The following RIMS2 variants were observed in gnomAD, a reference collection of about 807,000 sequenced individuals.
The protein encoded by RIMS2 is regulating synaptic membrane exocytosis 2.
In RIMS2, 59 loss-of-function variants were observed where a neutral mutation model predicts 174.4. The observed-to-expected ratio is 0.34, with a 90% CI of 0.27 to 0.42. RIMS2 has a LOEUF of 0.42. RIMS2 is among the 10% of genes least tolerant of loss of function. The pLI is 1.00. For synonymous variants in RIMS2, 606 were observed against 572.5 expected (o/e 1.06, Z -0.84); for missense variants, 1,620 against 1,666.3 (o/e 0.97, Z 0.48).
intron 3 of RIMS2, among the ~76,000 whole-genome samples, chr8:103,770,405 G>C (rs749170751): frequency 6.6e-6 from 1 of 152,054 alleles, no homozygotes; most frequent in Admixed American, 6.5e-5. Context: ...GTGAAACCCC[G>C]TCTTTACTAA....
chr8:103,648,593 A>G (rs1481428986), intron 1 of RIMS2, among the ~76,000 whole-genome samples: 4 of 152,078 alleles, frequency 2.6e-5, no homozygotes, highest in Admixed American at 6.6e-5. Flanking sequence ...TTTTGTCTCT[A>G]AGAACTTGCT....
intron 19 of RIMS2, among the ~76,000 whole-genome samples, chr8:104,115,367 A>G (rs1477824945): frequency 1.3e-5 from 2 of 152,070 alleles, no homozygotes; most frequent in Non-Finnish European, 2.9e-5. Context: ...CAGTAAAACG[A>G]TCTTTGAAAT....
intron 3 of RIMS2, among the ~76,000 whole-genome samples, chr8:103,811,697 C>T (rs531769739): frequency 6.6e-6 from 1 of 152,328 alleles, no homozygotes; most frequent in Non-Finnish European, 1.5e-5. Context: ...GCACCCACCT[C>T]GGCCTCCCAG....
chr8:103,799,881 C>T (rs1238020769), intron 3 of RIMS2, among the ~76,000 whole-genome samples: 1 of 152,060 alleles, frequency 6.6e-6, no homozygotes, highest in Admixed American at 6.6e-5. Context: ...ATAGTTTGTG[C>T]TCTTTTAGTC....
intron 19 of RIMS2, among the ~76,000 whole-genome samples, chr8:104,051,565 G>A (rs2096787471): frequency 6.6e-6 from 1 of 151,974 alleles, no homozygotes; most frequent in South Asian, 2.1e-4. Context: ...AAAAAAAATG[G>A]ACAGAGGAGA....
At position 103,665,373 on chromosome 8, in the gene RIMS2, T is replaced by G. The variant is rs567783946; in HGVS notation, c.177-31713T>G. On this transcript the variant is annotated intron_variant, in intron 1 of 23. Transcript: ENST00000504942. ...TCCTCCCTCAAACCTTGGTATTATG[T>G]TTGCACATTACACATCTGATGTTAA... Among the ~76,000 whole-genome samples the G allele has an allele frequency of 2.0e-5, 3 of 152,354 alleles. No homozygotes were observed. The South Asian group carries it at 6.2e-4, about 32-fold the overall frequency.
chr8:104,074,940 T>C (rs898356577), intron 19 of RIMS2, among the ~76,000 whole-genome samples: 6 of 152,156 alleles, frequency 3.9e-5, no homozygotes, highest in African/African-American at 1.4e-4. Context: ...TTAGATAGCC[T>C]TATATATATT....
At chr8:103,601,107 T>C (rs1270076700) in intron 1 of RIMS2, among the ~76,000 whole-genome samples, 1 of 152,238 alleles carries the variant, frequency 6.6e-6, no homozygotes. Context: ...TTCTGGGTAT[T>C]AACCACTTGT....
At chr8:104,162,171 G>A (rs2098766541) in intron 19 of RIMS2, among the ~76,000 whole-genome samples, 1 of 152,278 alleles carries the variant, frequency 6.6e-6, no homozygotes, top group Non-Finnish European at 1.5e-5. Flanking sequence ...GGACCATTCT[G>A]TCTACCAGAA....
At chr8:104,001,952 A>C (rs1020950858) in intron 17 of RIMS2, among the ~76,000 whole-genome samples, 1 of 152,054 alleles carries the variant, frequency 6.6e-6, no homozygotes, top group African/African-American at 2.4e-5. Flanking sequence ...TAGTCTTCCT[A>C]AACTTCACAG....
chr8:104,068,487 T>A (rs757960079), intron 19 of RIMS2, 25 bp from the exon 23 acceptor site: 22 of 1,048,272 alleles, frequency 2.1e-5, no homozygotes, highest in Non-Finnish European at 2.7e-5. Flanking sequence ...AACATTAATT[T>A]TATGGGTTTT....
chr8:104,000,833 T>A (rs2095353729), intron 17 of RIMS2, among the ~76,000 whole-genome samples: 1 of 151,910 alleles, frequency 6.6e-6, no homozygotes, highest in Admixed American at 6.6e-5. Flanking sequence ...TTTTTTTATA[T>A]ACCTGTTGGC....
chr8:103,501,144 C>T (rs1819518063), intron 1 of RIMS2, 82 bp downstream of exon 1: 1 of 1,108,628 alleles, frequency 9.0e-7, no homozygotes, highest in Non-Finnish European at 1.2e-6. Flanking sequence ...CTGCGCGCCC[C>T]AGTTCGCCGC....
rs576407152 is a variant in RIMS2, at chr8:103,596,197, A to G, written c.176+95135A>G. On this transcript the variant is annotated intron_variant, in intron 1 of 23. Coordinates refer to ENST00000504942, the Ensembl canonical transcript of RIMS2. The stretch of plus-strand genomic sequence containing the variant: ...AATTGTTCAAGATATTATCAGTGCT[A>G]TATGTTTTATTTTTTGAAATATTTA... Among the ~76,000 whole-genome samples, 14 of 151,996 alleles carry G rather than the reference A, an allele frequency of 9.2e-5. No individual in the cohort carries two copies. In the South Asian group the frequency reaches 2.1e-3, roughly 22 times the overall value.
At chr8:103,842,293 GAAAT>G (rs1020409682) in intron 3 of RIMS2, among the ~76,000 whole-genome samples, 1 of 151,664 alleles carries the variant, frequency 6.6e-6, no homozygotes. Flanking sequence ...TTACATATAA[GAAAT>G]AAAAAGGCAT....
intron 2 of RIMS2, among the ~76,000 whole-genome samples, chr8:103,742,422 C>A (rs979607133): frequency 6.6e-6 from 1 of 152,052 alleles, no homozygotes; most frequent in Non-Finnish European, 1.5e-5. Flanking sequence ...TATCTTCTAC[C>A]ATTACTTTTG....
chr8:103,812,988 A>G (rs2098698363), intron 3 of RIMS2, among the ~76,000 whole-genome samples: 2 of 152,340 alleles, frequency 1.3e-5, no homozygotes, highest in Admixed American at 6.5e-5. Context: ...TTTCAATTAT[A>G]TAGATGGGAC....
chr8:104,035,295 A>T (rs1001471728), intron 19 of RIMS2, among the ~76,000 whole-genome samples: 1 of 151,904 alleles, frequency 6.6e-6, no homozygotes, highest in Non-Finnish European at 1.5e-5. Context: ...CCCTTTGCTG[A>T]TATACTGTAT....
intron 19 of RIMS2, among the ~76,000 whole-genome samples, chr8:104,244,620 T>C (rs1278974664): frequency 6.6e-6 from 1 of 152,226 alleles, no homozygotes; most frequent in Non-Finnish European, 1.5e-5. Context: ...AAATAAGGCT[T>C]ATTTTTTTTC....
Sources: allele counts gnomAD v4.1 joint callset (sites outside exome capture counted in the v4.1 genomes callset), GRCh38; gene constraint gnomAD v4.1.1; transcripts MANE v1.5; gene names NCBI Gene and HGNC (gene_info 2026-07-23, HGNC 2026-07-21).